The following ST14 variants were observed in gnomAD, a reference collection of about 807,000 sequenced individuals.
ST14 encodes the protein ST14 transmembrane serine protease matriptase.
ST14 carries 40 observed loss-of-function variants against 96.5 expected under a neutral mutation model. The ratio of observed to expected loss-of-function variants is 0.41; its 90% CI spans 0.32 to 0.54. The LOEUF is 0.54. Ranked by LOEUF, ST14 falls within the 20% of genes least tolerant of loss-of-function variation. The pLI is 0.17. For synonymous variants in ST14, 506 were observed against 492.1 expected, an observed-to-expected ratio of 1.03 and a Z score of -0.37; for missense variants, 1,066 against 1,188.9, an observed-to-expected ratio of 0.90 and a Z score of 1.52.
In ST14 at chr11:130,194,729, A is replaced by G. The variant is rs982557384; in HGVS notation, c.1105A>G (p.Asn369Asp). The change falls in exon 9 of 19, where the codon AAC becomes GAC. Residue 369 changes from asparagine to aspartate, a missense_variant. Physicochemically the swap from Asn to Asp is conservative, Grantham distance 23. Transcript: ENST00000278742. ...CCCACCCAACATTGACTGCACATGGAACATTGAGGTAGGAGCTATGGGGCG... is the reference window on the plus strand; with the variant it reads ...CCCACCCAACATTGACTGCACATGGGACATTGAGGTAGGAGCTATGGGGCG... ...HYPPNIDCTW[N>D]IEVPNNQHVK... 1.2e-6 allele frequency: 2 copies of G among 1,614,002 alleles called. No individual in the cohort carries two copies. The highest frequency in any genetic ancestry group is 3.3e-5 in the Admixed American group (2 of 60,000).
In ST14 at chr11:130,187,002, A is replaced by G. The variant is rs1953243806; in HGVS notation, c.82-1112A>G. ...TCCCAGTAAGGCAGGAGTGAGGAGA[A>G]TCTTTCATGCAGTGAGTTGATAATG... On this transcript the variant is annotated intron_variant, in intron 1 of 18. Coordinates refer to ENST00000278742, the MANE Select transcript of ST14 (RefSeq NM_021978.4). The surrounding 1 kb of genome is among the most constrained non-coding windows in gnomAD (Gnocchi z 4.5). Among the ~76,000 whole-genome samples the G allele has an allele frequency of 6.6e-6, 1 of 152,200 alleles. No homozygotes were observed. Among genetic ancestry groups the G allele is most frequent in the African/African-American group, 2.4e-5 (1 of 41,430 alleles).
Position 130,196,463 on chromosome 11 carries a change from GT to G in ST14, c.1223+16del. The G allele has an allele frequency of 2.5e-6, 4 of 1,601,122 alleles. No homozygotes were observed. Among genetic ancestry groups the G allele is most frequent in the Non-Finnish European group, 3.4e-6 (4 of 1,173,000 alleles). Reference sequence around the variant, plus strand: ...AACGGGGAGAAGTGAGTCCCCGGGGGTATGGGGGCTGCCGGGCCCATGCTGC... The same window carrying G: ...AACGGGGAGAAGTGAGTCCCCGGGGGATGGGGGCTGCCGGGCCCATGCTGC... On this transcript the variant is annotated intron_variant, in intron 10 of 18. Coordinates refer to ENST00000278742, the MANE Select transcript of ST14 (RefSeq NM_021978.4).
rs1204960771 is a variant in ST14, at chr11:130,159,987, G to A, written c.8G>A (p.Ser3Asn). The A allele has an allele frequency of 1.0e-5, 14 of 1,398,916 alleles. No individual in the cohort carries two copies. The highest frequency in any genetic ancestry group is 1.5e-5 in the African/African-American group (1 of 66,742). The allele number at this position is 1,398,916 out of a possible 1,614,324, so 86.7% of individuals were successfully genotyped here. A position where few individuals can be genotyped will look rare whatever the true frequency, so the allele number is the denominator to read the frequency against. The stretch of plus-strand genomic sequence containing the variant: ...CGAGCGGCCTCGGGGACCATGGGGA[G>A]CGATCGGGCCCGCAAGGGCGGAGGG... MG[S>N]DRARKGGGGP... Residue 3 changes from serine to asparagine, a missense_variant, in exon 1 of 19, where the codon AGC (serine) becomes AAC (asparagine). Transcript: ENST00000278742.
At position 130,198,298 on chromosome 11, in the gene ST14, C is replaced by T. The variant is rs1953389276; in HGVS notation, c.1460-10C>T. 1 of 1,613,620 alleles carries T rather than the reference C, an allele frequency of 6.2e-7. No homozygotes were observed. Among genetic ancestry groups the T allele is most frequent in the Non-Finnish European group, 8.5e-7 (1 of 1,179,542 alleles). ...GGCCTCACGGCCGACCTCCCCTTAC[C>T]CCACTCCAGGTTGCGACGCCGGCCA... On this transcript the variant is annotated splice_polypyrimidine_tract_variant and intron_variant, in intron 12 of 18. Transcript: ENST00000278742.
chr11:130,198,445 G>A (rs781250260), intron 13 of ST14, 27 bp downstream of exon 13: 2 of 1,613,242 alleles, frequency 1.2e-6, no homozygotes, highest in African/African-American at 1.3e-5. Flanking sequence ...GGCTGCCTGG[G>A]CGGGCAGGTG....
At chr11:130,206,535 C>CTCTT (rs939786729) in intron 16 of ST14, among the ~76,000 whole-genome samples, 168 of 151,676 alleles carry the variant, frequency 1.1e-3, no homozygotes, top group Non-Finnish European at 4.3e-4. Context: ...GGGCTGCTCA[C>CTCTT]TCTTTCTTTC....
At chr11:130,198,768 G>A (rs755586959) in intron 14 of ST14, 147 bp downstream of exon 14, 2 of 1,429,102 alleles carry the variant, frequency 1.4e-6, no homozygotes, top group South Asian at 1.2e-5. Context: ...CTGGTTGGGG[G>A]AGAATTTTCC....
chr11:130,163,868 C>T (rs1293620854), intron 1 of ST14, among the ~76,000 whole-genome samples: 1 of 152,212 alleles, frequency 6.6e-6, no homozygotes, highest in Non-Finnish European at 1.5e-5. Context: ...AGAGGGTGGA[C>T]CTGCTCGAGC....
At position 130,188,734 on chromosome 11, in the gene ST14, C is replaced by T. The variant is rs1159840062; in HGVS notation, c.369+77C>T. The T allele has an allele frequency of 6.8e-6, 11 of 1,611,226 alleles. No individual in the cohort carries two copies. The highest frequency in any genetic ancestry group is 4.0e-5 in the African/African-American group (3 of 74,872). ...CCTGCTGGGCAGGAGGGACATGCCT[C>T]GCCTGTGCTCCCAGGGCCCTGGGAT... On this transcript the variant is annotated intron_variant, in intron 3 of 18. Transcript: ENST00000278742. This position sits in a 1 kb window ranked among gnomAD's most constrained non-coding sequence, Gnocchi z 5.4.
At position 130,159,914 on chromosome 11, in the gene ST14, C is replaced by T; in HGVS notation, c.-66C>T. The T allele has an allele frequency of 9.7e-7, 1 of 1,032,310 alleles. No individual in the cohort carries two copies. Among genetic ancestry groups the T allele is most frequent in the South Asian group, 4.7e-5 (1 of 21,132 alleles). 63.9% of individuals were successfully genotyped at this position (1,032,310 alleles called of 1,614,324 possible). On this transcript the variant is annotated 5_prime_UTR_variant, in exon 1 of 19. Coordinates refer to ENST00000278742, the MANE Select transcript of ST14 (RefSeq NM_021978.4). Reference sequence around the variant, plus strand: ...CCTGCGCCCCGCGCCCCGCGCCCTGCGGGCCATGGGAGCCGGCCGCCGGCA... The same window carrying T: ...CCTGCGCCCCGCGCCCCGCGCCCTGTGGGCCATGGGAGCCGGCCGCCGGCA...
Position 130,196,429 on chromosome 11 carries a change from G to C in ST14, c.1204G>C (p.Val402Leu), listed in dbSNP as rs760260461. 38 of 1,609,654 alleles carry C rather than the reference G, an allele frequency of 2.4e-5. 1 individual carries two copies. The South Asian group carries it at 3.9e-4, about 16-fold the overall frequency. ...TGCGGGCACCTGCCCCAAGGACTAC[G>C]TGGAGATCAACGGGGAGAAGTGAGT... ...VPAGTCPKDY[V>L]EINGEKYCGE... is the part of the protein sequence containing the mutation. The change falls in exon 10 of 19, where the codon GTG becomes CTG. Residue 402 changes from valine to leucine, a missense_variant. Physicochemically the swap from Val to Leu is conservative, Grantham distance 32. Transcript: ENST00000278742.
chr11:130,190,514 G>A lies in ST14; in HGVS notation c.695G>A (p.Gly232Asp). ...GAGCTGATGCGCTTCACCACGCCCGGCTTCCCTGACAGCCCCTACCCCGCT... is the reference window on the plus strand; with the variant it reads ...GAGCTGATGCGCTTCACCACGCCCGACTTCCCTGACAGCCCCTACCCCGCT... The part of the protein sequence containing the change: ...GVELMRFTTP[G>D]FPDSPYPAHA... Residue 232 changes from glycine to aspartate, a missense_variant, in exon 7 of 19, where the codon GGC becomes GAC. Transcript: ENST00000278742. 6.2e-7 allele frequency: 1 copy of A among 1,609,968 alleles called. No homozygotes were observed. Among genetic ancestry groups the A allele is most frequent in the Non-Finnish European group, 8.5e-7 (1 of 1,179,838 alleles).
intron 17 of ST14, among the ~76,000 whole-genome samples, chr11:130,209,217 C>T (rs1197513698): frequency 4.6e-5 from 7 of 152,142 alleles, no homozygotes. Flanking sequence ...CTTGCCACGG[C>T]GTCTGTTCCC....
In ST14 at chr11:130,190,163, C is replaced by T. The variant is rs754635948; in HGVS notation, c.634+15C>T. 24 of 1,614,072 alleles carry T rather than the reference C, an allele frequency of 1.5e-5. No homozygotes were observed. Among genetic ancestry groups the T allele is most frequent in the Admixed American group, 1.0e-4 (6 of 60,002 alleles). On this transcript the variant is annotated intron_variant, in intron 6 of 18. Transcript: ENST00000278742. ...GACCCAGGACAGTAAGTATCGTGCC[C>T]GCCTCCTCTTCTGGGTGGGGAAGAG...
At chr11:130,189,462 G>A (rs1953271453) in intron 4 of ST14, 1 of 544,460 alleles carries the variant, frequency 1.8e-6, no homozygotes, top group South Asian at 2.1e-5. Flanking sequence ...CCTCGCTTGT[G>A]GCCAAACTCC....
chr11:130,188,523 C>A lies in ST14; in HGVS notation c.242-7C>A, dbSNP rs777564617. On this transcript the variant is annotated splice_region_variant and splice_polypyrimidine_tract_variant and intron_variant, in intron 2 of 18. Coordinates refer to ENST00000278742, the MANE Select transcript of ST14 (RefSeq NM_021978.4). The surrounding 1 kb of genome is among the most constrained non-coding windows in gnomAD (Gnocchi z 5.4). Reference sequence around the variant, plus strand: ...CCCCTGACTGAGCGCCTTCTGGTCTCACACAGACCGGGACGTGCGTGTCCA... The same window carrying A: ...CCCCTGACTGAGCGCCTTCTGGTCTAACACAGACCGGGACGTGCGTGTCCA... The A allele has an allele frequency of 6.2e-7, 1 of 1,613,666 alleles. No homozygotes were observed. Among genetic ancestry groups the A allele is most frequent in the South Asian group, 1.1e-5 (1 of 91,078 alleles).
intron 1 of ST14, among the ~76,000 whole-genome samples, chr11:130,174,251 G>A (rs987844855): frequency 2.0e-5 from 3 of 152,172 alleles, no homozygotes; most frequent in Admixed American, 6.5e-5. Context: ...TGAGGGAGGC[G>A]GTGGCCACAG....
chr11:130,191,214 C>CGG (rs1953295146), intron 7 of ST14, among the ~76,000 whole-genome samples: 1 of 152,056 alleles, frequency 6.6e-6, no homozygotes. Context: ...GGTGTGGTGG[C>CGG]GCATGCCTAC....
In ST14 at chr11:130,188,151, C is replaced by A; in HGVS notation, c.119C>A (p.Pro40Gln). 2.5e-6 allele frequency: 4 copies of A among 1,614,190 alleles called. No individual in the cohort carries two copies. The highest frequency in any genetic ancestry group is 3.4e-6 in the Non-Finnish European group (4 of 1,180,042). The change falls in exon 2 of 19, where the codon CCA becomes CAA. Residue 40 changes from proline to glutamine, a missense_variant. Coordinates refer to ENST00000278742, the MANE Select transcript of ST14 (RefSeq NM_021978.4). The surrounding 1 kb of genome is among the most constrained non-coding windows in gnomAD (Gnocchi z 5.4). ...NGLEEGVEFL[P>Q]VNNVKKVEKH... ...TTGGAGGAAGGCGTGGAGTTCCTGCCAGTCAACAACGTCAAGAAGGTGGAA... is the reference window on the plus strand; with the variant it reads ...TTGGAGGAAGGCGTGGAGTTCCTGCAAGTCAACAACGTCAAGAAGGTGGAA...
Sources: gnomAD v4.1 joint callset for allele counts (sites outside exome capture counted in the v4.1 genomes callset) on GRCh38, gnomAD v4.1.1 for gene constraint, Gnocchi (gnomAD v3.1) non-coding constraint, MANE v1.5 for transcripts, NCBI Gene and HGNC (gene_info 2026-07-23, HGNC 2026-07-21) for gene names.